Variants in B3GALT5 observed in about 807,000 individuals in gnomAD.
B3GALT5 encodes the protein beta-1,3-galactosyltransferase 5, also known as UDP-Gal:betaGlcNAc beta 1,3-galactosyltransferase, polypeptide 5.
For synonymous variants in B3GALT5, 156 were observed against 158.6 expected, an observed-to-expected ratio of 0.98 and a Z score of 0.12; for missense variants, 328 against 396.6, an observed-to-expected ratio of 0.83 and a Z score of 1.47.
chr21:39,630,843 C>CTCTCCTCTGATAAGTGTCTCTGCTTTAAG (rs1415291134), intron 1 of B3GALT5, among the ~76,000 whole-genome samples: 2 of 152,164 alleles, frequency 1.3e-5, no homozygotes, highest in Admixed American at 6.5e-5. Context: ...TCAGGCCTTT[C>CTCTCCTCTGATAAGTGTCTCTGCTTTAAG]ATCCCATCAT....
intron 1 of B3GALT5, among the ~76,000 whole-genome samples, chr21:39,628,256 T>C (rs2079174255): frequency 6.6e-6 from 1 of 152,234 alleles, no homozygotes. Context: ...ATGTAATCTC[T>C]TTTTAAAGTT....
At chr21:39,622,882 T>TAC (rs1460632238) in intron 1 of B3GALT5, among the ~76,000 whole-genome samples, 4 of 152,066 alleles carry the variant, frequency 2.6e-5, no homozygotes, top group Non-Finnish European at 5.9e-5. Flanking sequence ...AGACTGTATA[T>TAC]ATATTTTTAA....
chr21:39,641,112 CA>C (rs1488288397), intron 1 of B3GALT5, among the ~76,000 whole-genome samples: 1 of 152,086 alleles, frequency 6.6e-6, no homozygotes, highest in African/African-American at 2.4e-5. Context: ...GTGGTGAGAA[CA>C]GATATTTCAA....
At chr21:39,616,933 T>A (rs1375411274) in intron 1 of B3GALT5, among the ~76,000 whole-genome samples, 2 of 152,220 alleles carry the variant, frequency 1.3e-5, no homozygotes, top group African/African-American at 2.4e-5. Flanking sequence ...TTTTCAAATT[T>A]TGAAGTATTT....
At position 39,638,985 on chromosome 21, in the gene B3GALT5, T is replaced by A. The variant is rs555183744; in HGVS notation, c.-391-7407T>A. 5.9e-5 allele frequency among the ~76,000 whole-genome samples: 9 copies of A among 152,320 alleles called. No homozygotes were observed. In the South Asian group the frequency reaches 1.5e-3, roughly 25 times the overall value. On this transcript the variant is annotated intron_variant, in intron 1 of 3. Transcript: ENST00000684187. ...CATGCTGACTGAAGCCAGTTTCCCG[T>A]GTACAGCTCTTCAATCTTAACAGTA...
In B3GALT5 at chr21:39,661,485, C is replaced by A. The variant is rs761818773; in HGVS notation, c.926C>A (p.Pro309His). 10 of 1,508,206 alleles carry A rather than the reference C, an allele frequency of 6.6e-6. No homozygotes were observed. The South Asian group carries it at 1.4e-4, about 21-fold the overall frequency. 93.4% of individuals were successfully genotyped at this position (1,508,206 alleles called of 1,614,324 possible). A position where few individuals can be genotyped will look rare whatever the true frequency, so the allele number is the denominator to read the frequency against. ...AATTCCCGGGGGGAAGATTGTCCGC[C>A]TGTCTGAGGGGAGCCCAGAGGCACA... ...LENSRGEDCP[P>H]V The change falls in exon 4 of 4, where the codon CCT (proline) becomes CAT (histidine). Residue 309 changes from proline to histidine, a missense_variant. Transcript: ENST00000684187. This position sits in a 1 kb window ranked among gnomAD's most constrained non-coding sequence, Gnocchi z 4.7.
intron 1 of B3GALT5, among the ~76,000 whole-genome samples, chr21:39,623,217 CCCTCCCTCCCTCCCTCCCTCCCTCCCTT>C (rs779537818): frequency 0.097 from 5,434 of 55,998 alleles, 153 homozygotes; most frequent in Non-Finnish European, 0.11. Context: ...CTCCCTCCCT[CCCTCCCTCCCTCCCTCCCTCCCTCCCTT>C]CCTTCCTTCC....
At chr21:39,623,096 T>C (rs201273697) in intron 1 of B3GALT5, among the ~76,000 whole-genome samples, 25 of 136,476 alleles carry the variant, frequency 1.8e-4, no homozygotes, top group Middle Eastern at 3.5e-3. Context: ...CCATCCTTCC[T>C]TCCCTCCCTC....
At position 39,660,781 on chromosome 21, in the gene B3GALT5, G is replaced by GGCCATCC; in HGVS notation, c.224_230dup (p.Gln78HisfsTer89). 1 of 1,568,842 alleles carries GGCCATCC rather than the reference G, an allele frequency of 6.4e-7. No homozygotes were observed. Among genetic ancestry groups the GGCCATCC allele is most frequent in the Non-Finnish European group, 8.6e-7 (1 of 1,157,956 alleles). On this transcript the variant is annotated frameshift_variant, in exon 4 of 4. Coordinates refer to ENST00000684187, the MANE Select transcript of B3GALT5 (RefSeq NM_001356336.2). LOFTEE classifies it low-confidence loss of function (END_TRUNC). ...CCCACAAACAGTTGGCTGAGCGCAT[G>GGCCATCC]GCCATCCGGCAGACGTGGGGGAAAG...
In B3GALT5 at chr21:39,671,039, C is replaced by G. The variant is rs943606144; in HGVS notation, c.*9547C>G. ...CTTGGCACTGGCCTCTGGTGAGGGCCTTCATGCTGTGTCATTGTGGGCAAA... is the reference window on the plus strand; with the variant it reads ...CTTGGCACTGGCCTCTGGTGAGGGCGTTCATGCTGTGTCATTGTGGGCAAA... On this transcript the variant is annotated 3_prime_UTR_variant, in exon 4 of 4. Transcript: ENST00000684187. The G allele has an allele frequency of 6.6e-6, 1 of 152,224 alleles. No individual in the cohort carries two copies. The highest frequency in any genetic ancestry group is 6.5e-5 in the Admixed American group (1 of 15,284). The allele number at this position is 152,224 out of a possible 1,614,324, so 9.4% of individuals were successfully genotyped here.
chr21:39,661,416 T>C lies in B3GALT5; in HGVS notation c.857T>C (p.Phe286Ser). ...CLFRRIVACH[F>S]IKPRTLLDYW... ...TTCAGGAGGATCGTGGCCTGCCACT[T>C]CATCAAGCCTCGGACTCTCTTGGAC... The change falls in exon 4 of 4, where the codon TTC becomes TCC. Residue 286 changes from phenylalanine to serine, a missense_variant. Coordinates refer to ENST00000684187, the MANE Select transcript of B3GALT5 (RefSeq NM_001356336.2). This position sits in a 1 kb window ranked among gnomAD's most constrained non-coding sequence, Gnocchi z 4.7. The C allele has an allele frequency of 6.4e-7, 1 of 1,555,348 alleles. No homozygotes were observed.
intron 2 of B3GALT5, among the ~76,000 whole-genome samples, chr21:39,658,713 T>C (rs868077846): frequency 4.6e-5 from 7 of 152,160 alleles, no homozygotes; most frequent in Admixed American, 1.3e-4. Flanking sequence ...TCTGGTCTCC[T>C]GCTTGCCTTC....
Position 39,660,692 on chromosome 21 carries a change from C to A in B3GALT5, c.133C>A (p.Leu45Ile). The change falls in exon 4 of 4, where the codon CTT becomes ATT. Residue 45 changes from leucine (L) to isoleucine (I), a missense_variant. Transcript: ENST00000684187. Reference protein sequence around the residue: ...SFVYKKDGNFLKLPDTDCRQT... With the variant: ...SFVYKKDGNFIKLPDTDCRQT... ...TGTTTACAAGAAAGACGGGAACTTC[C>A]TTAAGCTCCCAGATACAGACTGCAG... 1 of 1,560,570 alleles carries A rather than the reference C, an allele frequency of 6.4e-7. No homozygotes were observed. The highest frequency in any genetic ancestry group is 1.2e-5 in the South Asian group (1 of 81,372).
intron 1 of B3GALT5, among the ~76,000 whole-genome samples, chr21:39,637,620 G>C (rs2079237883): frequency 6.6e-6 from 1 of 152,234 alleles, no homozygotes. Context: ...GGAACACCTA[G>C]CAGGACTGCT....
chr21:39,659,361 A>C (rs1396692598), intron 2 of B3GALT5, among the ~76,000 whole-genome samples: 1 of 152,150 alleles, frequency 6.6e-6, no homozygotes, highest in Admixed American at 6.5e-5. Context: ...AAGTGCCGCT[A>C]TTGTGTTAAG....
At chr21:39,651,389 G>A (rs2079394198) in intron 2 of B3GALT5, among the ~76,000 whole-genome samples, 1 of 152,210 alleles carries the variant, frequency 6.6e-6, no homozygotes, top group Non-Finnish European at 1.5e-5. Flanking sequence ...CCCTCCCGCA[G>A]GCTCTGGGAG....
chr21:39,615,534 G>A (rs2079103135), intron 1 of B3GALT5, among the ~76,000 whole-genome samples: 1 of 152,170 alleles, frequency 6.6e-6, no homozygotes, highest in South Asian at 2.1e-4. Flanking sequence ...GACCAAGTTG[G>A]GTAAACAGAG....
intron 1 of B3GALT5, among the ~76,000 whole-genome samples, chr21:39,638,563 GC>G (rs905736676): frequency 1.3e-5 from 2 of 152,140 alleles, no homozygotes; most frequent in Admixed American, 6.5e-5. Flanking sequence ...CATTCTCCAA[GC>G]CCACATGTGA....
chr21:39,637,042 C>T (rs545634326), intron 1 of B3GALT5, among the ~76,000 whole-genome samples: 9 of 152,224 alleles, frequency 5.9e-5, no homozygotes, highest in Admixed American at 6.5e-5. Flanking sequence ...GAACAGGGGA[C>T]CTGTGCTGTG....
Sources: gnomAD v4.1 joint callset for allele counts (sites outside exome capture counted in the v4.1 genomes callset) on GRCh38, gnomAD v4.1.1 for gene constraint, Gnocchi (gnomAD v3.1) non-coding constraint, MANE v1.5 for transcripts, NCBI Gene and HGNC (gene_info 2026-07-23, HGNC 2026-07-21) for gene names.